The following LINGO2 variants were observed in gnomAD, a reference collection of about 807,000 sequenced individuals.
LINGO2 encodes the protein leucine rich repeat and Ig domain containing 2.
Under a neutral mutation model 30.6 loss-of-function variants are expected in LINGO2, and 14 were observed. The ratio of observed to expected loss-of-function variants is 0.46; its 90% CI spans 0.30 to 0.72. LINGO2 has a LOEUF of 0.72. Ranked by LOEUF, LINGO2 falls within the 30% of genes least tolerant of loss-of-function variation. LINGO2 has a pLI of 0.07. For missense variants in LINGO2, 729 were observed against 751.7 expected (o/e 0.97, Z 0.35); for synonymous variants, 317 against 288.5 (o/e 1.10, Z -1.00).
chr9:27,951,111 C>T (rs1304259634), intron 5 of LINGO2, among the ~76,000 whole-genome samples: 5 of 152,154 alleles, frequency 3.3e-5, no homozygotes, highest in Non-Finnish European at 7.4e-5. Context: ...GAGTTTGAAT[C>T]AGTGTCGGCA....
intron 3 of LINGO2, among the ~76,000 whole-genome samples, chr9:28,355,261 G>GTCTCTCTCTCTCTCTGTCTCTGTC (rs113486172): frequency 7.3e-6 from 1 of 136,800 alleles, no homozygotes; most frequent in Non-Finnish European, 1.6e-5. Context: ...CTCTGTCTCT[G>GTCTCTCTCTCTCTCTGTCTCTGTC]TCTCTCTCTC....
chr9:28,760,926 G>C, the LINGO2 span, among the ~76,000 whole-genome samples: 1 of 87,066 alleles, frequency 1.1e-5, no homozygotes, highest in African/African-American at 4.0e-5. Context: ...GTGTGTGTGT[G>C]TGTGTGTATA....
In LINGO2 at chr9:28,155,735, G is replaced by A. The variant is rs182673932; in HGVS notation, c.-87+139473C>T. Among the ~76,000 whole-genome samples the A allele has an allele frequency of 9.2e-5, 14 of 152,234 alleles. No individual in the cohort carries two copies. The East Asian group carries it at 1.9e-3, about 21-fold the overall frequency. On this transcript the variant is annotated intron_variant, in intron 4 of 5. Transcript: ENST00000379992. ...TTAAAATTCTAACTCTGGAGGTGAC[G>A]GTATTAGGAAATAATGCCTTTGGGA...
At chr9:28,808,938 T>C in the LINGO2 span, among the ~76,000 whole-genome samples, 1 of 152,146 alleles carries the variant, frequency 6.6e-6, no homozygotes, top group South Asian at 2.1e-4. Context: ...GGTCATCCAG[T>C]GCTGGGAGAA....
chr9:28,305,605 G>T (rs953539225), intron 3 of LINGO2, among the ~76,000 whole-genome samples: 1 of 151,904 alleles, frequency 6.6e-6, no homozygotes, highest in African/African-American at 2.4e-5. Flanking sequence ...ACACAAAAAA[G>T]TTCCCAATAA....
At chr9:27,991,232 C>A (rs1193698627) in intron 5 of LINGO2, among the ~76,000 whole-genome samples, 1 of 148,214 alleles carries the variant, frequency 6.7e-6, no homozygotes, top group Non-Finnish European at 1.5e-5. Flanking sequence ...TGAACGGCAA[C>A]AACAACAACA....
At chr9:28,456,292 G>A (rs1269330185) in intron 2 of LINGO2, among the ~76,000 whole-genome samples, 1 of 152,150 alleles carries the variant, frequency 6.6e-6, no homozygotes, top group Non-Finnish European at 1.5e-5. Flanking sequence ...GGTCTGGCCT[G>A]GCTTGTCAGC....
chr9:28,161,466 T>C lies in LINGO2; in HGVS notation c.-87+133742A>G, dbSNP rs115477229. ...TTCAGTAATAAGTGAAATAAGTATA[T>C]AATTTAAACACAACCTTATTAAAAA... On this transcript the variant is annotated intron_variant, in intron 4 of 5. Transcript: ENST00000379992. Among the ~76,000 whole-genome samples, 693 of 152,274 alleles carry C rather than the reference T, an allele frequency of 4.6e-3. 5 individuals are homozygous for C. The highest frequency in any genetic ancestry group is 0.016 in the African/African-American group (658 of 41,568).
the LINGO2 span, among the ~76,000 whole-genome samples, chr9:28,802,667 A>T: frequency 6.6e-6 from 1 of 152,158 alleles, no homozygotes; most frequent in East Asian, 1.9e-4. Flanking sequence ...ACTTAACTTG[A>T]GTAACAAAAA....
the LINGO2 span, among the ~76,000 whole-genome samples, chr9:29,033,116 T>A: frequency 2.0e-5 from 3 of 152,144 alleles, no homozygotes; most frequent in Non-Finnish European, 4.4e-5. Context: ...TTGGAACAGC[T>A]TCTTATTCTT....
chr9:28,536,349 C>T (rs768782212), intron 1 of LINGO2, among the ~76,000 whole-genome samples: 78 of 152,112 alleles, frequency 5.1e-4, no homozygotes, highest in Non-Finnish European at 5.1e-4. Flanking sequence ...TAAACAAACA[C>T]TGGCTTCCTA....
chr9:28,505,418 G>A (rs939407665), intron 1 of LINGO2, among the ~76,000 whole-genome samples: 1 of 151,844 alleles, frequency 6.6e-6, no homozygotes, highest in African/African-American at 2.4e-5. Context: ...TAACAAATTT[G>A]TTGGATATTG....
At chr9:28,674,955 G>A (rs886229865), upstream of LINGO2, among the ~76,000 whole-genome samples, 21 of 151,952 alleles carry the variant, frequency 1.4e-4, no homozygotes, top group African/African-American at 3.9e-4. Flanking sequence ...GGGGAAAGAC[G>A]GTCTCTCATA....
chr9:28,690,397 C>A, the LINGO2 span, among the ~76,000 whole-genome samples: 1 of 152,184 alleles, frequency 6.6e-6, no homozygotes, highest in Non-Finnish European at 1.5e-5. Context: ...TTTCCAGCTG[C>A]TAAACTTGTG....
chr9:28,723,417 T>C, the LINGO2 span, among the ~76,000 whole-genome samples: 65 of 152,320 alleles, frequency 4.3e-4, 1 homozygote, highest in South Asian at 0.013. Context: ...AGCTTTGTTG[T>C]ACAATGTGGC....
intron 4 of LINGO2, among the ~76,000 whole-genome samples, chr9:28,238,745 CA>C (rs1821669645): frequency 6.6e-6 from 1 of 151,646 alleles, no homozygotes; most frequent in East Asian, 1.9e-4. Flanking sequence ...ACTAGAAAAT[CA>C]AGAGCAAACC....
intron 3 of LINGO2, among the ~76,000 whole-genome samples, chr9:28,356,740 C>T (rs1820224640): frequency 6.6e-6 from 1 of 152,114 alleles, no homozygotes; most frequent in Non-Finnish European, 1.5e-5. Flanking sequence ...CAGGTGGTCA[C>T]TTCTCCACTG....
the LINGO2 span, among the ~76,000 whole-genome samples, chr9:28,987,340 T>G: frequency 6.6e-6 from 1 of 152,050 alleles, no homozygotes; most frequent in Non-Finnish European, 1.5e-5. Context: ...TTACAATTAT[T>G]CATAGTAGTC....
At chr9:28,635,174 G>A (rs1827201685) in intron 1 of LINGO2, among the ~76,000 whole-genome samples, 3 of 152,180 alleles carry the variant, frequency 2.0e-5, no homozygotes, top group Admixed American at 6.5e-5. Context: ...AAATTTTGCT[G>A]TTCTTATTCT....
Sources: allele counts gnomAD v4.1 joint callset (sites outside exome capture counted in the v4.1 genomes callset), GRCh38; gene constraint gnomAD v4.1.1; transcripts MANE v1.5; gene names NCBI Gene and HGNC (gene_info 2026-07-23, HGNC 2026-07-21).